Variants in ALDH1L2 observed in about 807,000 individuals in gnomAD.
ALDH1L2 encodes the protein aldehyde dehydrogenase 1 family member L2.
Under a neutral mutation model 111.0 loss-of-function variants are expected in ALDH1L2, and 91 were observed. The ratio of observed to expected loss-of-function variants is 0.82; its 90% CI spans 0.69 to 0.98. The LOEUF (loss-of-function observed/expected upper bound fraction) is 0.98, where lower values mean the gene tolerates loss of function less well. Among genes scored for constraint, ALDH1L2 ranks in the 50% least tolerant of loss-of-function variants. The probability of loss-of-function intolerance (pLI) is 0.00; values close to 1 mark genes in which losing one functional copy is unlikely to be tolerated. For missense variants in ALDH1L2, 995 were observed against 1,126.8 expected, an observed-to-expected ratio of 0.88 and a Z score of 1.67; for synonymous variants, 374 against 392.6, an observed-to-expected ratio of 0.95 and a Z score of 0.56.
At chr12:105,075,830 G>C (rs1403236097) in intron 1 of ALDH1L2, among the ~76,000 whole-genome samples, 4 of 152,116 alleles carry the variant, frequency 2.6e-5, no homozygotes, top group Admixed American at 2.0e-4. Flanking sequence ...TGGTCACCCA[G>C]GCTGGAGTGA....
At chr12:105,080,303 A>G (rs1878277956) in intron 1 of ALDH1L2, among the ~76,000 whole-genome samples, 2 of 152,196 alleles carry the variant, frequency 1.3e-5, no homozygotes, top group Non-Finnish European at 2.9e-5. Flanking sequence ...TGATGAGTGA[A>G]AAATGGTATC....
intron 6 of ALDH1L2, 38 bp downstream of exon 6, chr12:105,065,229 C>T (rs1877274499): frequency 3.6e-6 from 5 of 1,390,720 alleles, no homozygotes; most frequent in South Asian, 2.3e-5. Flanking sequence ...AGGTAATAAT[C>T]GGGGAGGGGG....
Position 105,024,571 on chromosome 12 carries a change from G to C in ALDH1L2, c.2717-92C>G, listed in dbSNP as rs1189722186. ...AGACATAGGTATACGTAGGTGTCCA[G>C]GTCACTAAGTAAATAGAATGTGGCC... On this transcript the variant is annotated intron_variant, in intron 22 of 22. Coordinates refer to ENST00000258494, the MANE Select transcript of ALDH1L2 (RefSeq NM_001034173.4). The C allele has an allele frequency of 5.6e-6, 7 of 1,256,000 alleles. No homozygotes were observed. In the Admixed American group the frequency reaches 8.9e-5, roughly 16 times the overall value. 77.8% of individuals were successfully genotyped at this position (1,256,000 alleles called of 1,614,324 possible). A position where few individuals can be genotyped will look rare whatever the true frequency, so the allele number is the denominator to read the frequency against.
intron 12 of ALDH1L2, among the ~76,000 whole-genome samples, chr12:105,051,809 G>C (rs530367947): frequency 7.2e-6 from 1 of 139,264 alleles, no homozygotes; most frequent in African/African-American, 2.6e-5. Flanking sequence ...TTTTGAGACA[G>C]AGTCTTGCTT....
At chr12:105,058,284 T>C in intron 9 of ALDH1L2, 64 bp from the exon 10 acceptor site, 1 of 1,506,704 alleles carries the variant, frequency 6.6e-7, no homozygotes, top group East Asian at 2.3e-5. Flanking sequence ...GATTGTGTTA[T>C]TTGCACTTGT....
In ALDH1L2 at chr12:105,057,773, G is replaced by A. The variant is rs544805001; in HGVS notation, c.1287+300C>T. ...GCTATCCAATTTTGGAACATTTTTTGTATGAGGTAGTCCTGGAAGAGTAAA... is the reference window on the plus strand; with the variant it reads ...GCTATCCAATTTTGGAACATTTTTTATATGAGGTAGTCCTGGAAGAGTAAA... On this transcript the variant is annotated intron_variant, in intron 10 of 22. Transcript: ENST00000258494. 3.9e-5 allele frequency among the ~76,000 whole-genome samples: 6 copies of A among 152,270 alleles called. No individual in the cohort carries two copies. The East Asian group carries it at 1.2e-3, about 29-fold the overall frequency.
At chr12:105,078,284 C>T (rs1161440499) in intron 1 of ALDH1L2, among the ~76,000 whole-genome samples, 1 of 152,052 alleles carries the variant, frequency 6.6e-6, no homozygotes, top group East Asian at 1.9e-4. Flanking sequence ...TGGTGAAATC[C>T]CATCTTTATG....
chr12:105,074,480 A>AAAAG (rs1877929259), intron 1 of ALDH1L2, among the ~76,000 whole-genome samples: 1 of 131,688 alleles, frequency 7.6e-6, no homozygotes, highest in African/African-American at 2.7e-5. Context: ...AAAAAAAAAA[A>AAAAG]AAAGAAAAGA....
chr12:105,046,215 ATATATATTTTTT>A (rs1875884920), intron 15 of ALDH1L2, among the ~76,000 whole-genome samples: 9 of 37,704 alleles, frequency 2.4e-4, no homozygotes, highest in South Asian at 2.8e-3. Flanking sequence ...ATATATATAT[ATATATATTTTTT>A]TTTTTTTTTT....
chr12:105,050,630 G>A (rs980612057), intron 12 of ALDH1L2: 14 of 441,990 alleles, frequency 3.2e-5, no homozygotes, highest in Middle Eastern at 3.3e-4. Context: ...TTCCTTTGGG[G>A]CCACTCTAGA....
chr12:105,055,786 G>T (rs1038445664), intron 10 of ALDH1L2, among the ~76,000 whole-genome samples: 3 of 151,992 alleles, frequency 2.0e-5, no homozygotes, highest in Admixed American at 2.0e-4. Flanking sequence ...GTTGAAAAGT[G>T]CAATAACTGA....
At position 105,084,424 on chromosome 12, in the gene ALDH1L2, C is replaced by A. The variant is rs770626237; in HGVS notation, c.13G>T (p.Gly5Cys). MLRR[G>C]SQALRRFSTG... is the part of the protein sequence containing the mutation. ...GAGAAGCGCCGGAGCGCCTGGCTGC[C>A]CCGCCGCAGCATGCTGGAGAGGAGC... is the stretch of plus-strand genomic sequence containing the variant. Residue 5 changes from glycine (G) to cysteine (C), a missense_variant, in exon 1 of 23, where the codon GGC becomes TGC. Coordinates refer to ENST00000258494, the MANE Select transcript of ALDH1L2 (RefSeq NM_001034173.4). 1.3e-6 allele frequency: 2 copies of A among 1,496,462 alleles called. No homozygotes were observed. The highest frequency in any genetic ancestry group is 2.8e-5 in the East Asian group (1 of 35,182). The allele number at this position is 1,496,462 out of a possible 1,614,324, so 92.7% of individuals were successfully genotyped here.
intron 7 of ALDH1L2, among the ~76,000 whole-genome samples, chr12:105,062,337 C>T (rs191451413): frequency 2.9e-5 from 3 of 102,952 alleles, no homozygotes; most frequent in Admixed American, 1.0e-4. Flanking sequence ...CTGGAACTAG[C>T]GGCCTACAGT....
intron 1 of ALDH1L2, among the ~76,000 whole-genome samples, chr12:105,075,317 G>T (rs1212726001): frequency 1.3e-5 from 2 of 152,208 alleles, no homozygotes; most frequent in Non-Finnish European, 2.9e-5. Context: ...GGGCGCGGTG[G>T]CTCACGCCTG....
intron 21 of ALDH1L2, among the ~76,000 whole-genome samples, chr12:105,029,228 T>C (rs1431676056): frequency 6.6e-6 from 1 of 152,100 alleles, no homozygotes; most frequent in African/African-American, 2.4e-5. Context: ...GACAGGGTCT[T>C]TGTTGCCCAG....
chr12:105,036,582 G>T (rs1372960114), intron 18 of ALDH1L2, among the ~76,000 whole-genome samples: 3 of 100,180 alleles, frequency 3.0e-5, no homozygotes, highest in African/African-American at 1.0e-4. Flanking sequence ...GATGTGGCTG[G>T]GTGCAGTGGC....
rs1407029047 is a variant in ALDH1L2 at position 105,034,227 on chromosome 12, A to G, written c.2244+73T>C. 16 of 1,429,432 alleles carry G rather than the reference A, an allele frequency of 1.1e-5. No individual in the cohort carries two copies. The East Asian group carries it at 3.5e-4, about 31-fold the overall frequency. 88.5% of individuals were successfully genotyped at this position (1,429,432 alleles called of 1,614,324 possible). On this transcript the variant is annotated intron_variant, in intron 19 of 22. Coordinates refer to ENST00000258494, the MANE Select transcript of ALDH1L2 (RefSeq NM_001034173.4). ...TATCACACCTGAAAATTCATGAACA[A>G]TCCTAGAAGTAGGATTTTTCAAGTA...
At chr12:105,030,224 C>T in intron 21 of ALDH1L2, 100 bp downstream of exon 21, 1 of 665,476 alleles carries the variant, frequency 1.5e-6, no homozygotes, top group South Asian at 4.8e-5. Context: ...TAGAAAATTA[C>T]ATGTTCATTA....
At chr12:105,057,558 A>G (rs1876709751) in intron 10 of ALDH1L2, among the ~76,000 whole-genome samples, 1 of 152,204 alleles carries the variant, frequency 6.6e-6, no homozygotes, top group Non-Finnish European at 1.5e-5. Context: ...TACTTATACA[A>G]TAGAATATTA....
Sources: allele counts gnomAD v4.1 joint callset (sites outside exome capture counted in the v4.1 genomes callset), GRCh38; gene constraint gnomAD v4.1.1; transcripts MANE v1.5; gene names NCBI Gene and HGNC (gene_info 2026-07-23, HGNC 2026-07-21).